The following DCAF6 variants were observed in gnomAD, a reference collection of about 807,000 sequenced individuals.
The protein encoded by DCAF6 is DDB1- and CUL4-associated factor 6.
DCAF6 carries 54 observed loss-of-function variants against 125.1 expected under a neutral mutation model. The ratio of observed to expected loss-of-function variants is 0.43; its 90% CI spans 0.35 to 0.54. The LOEUF is 0.54. Ranked by LOEUF, DCAF6 falls within the 20% of genes least tolerant of loss-of-function variation. The probability of loss-of-function intolerance (pLI) is 0.01; values close to 1 mark genes in which losing one functional copy is unlikely to be tolerated. For synonymous variants in DCAF6, 371 were observed against 390.4 expected (o/e 0.95, Z 0.58); for missense variants, 934 against 1,161.7 (o/e 0.80, Z 2.85).
At chr1:167,910,263 G>T in the DCAF6 span, among the ~76,000 whole-genome samples, 2 of 152,118 alleles carry the variant, frequency 1.3e-5, no homozygotes, top group African/African-American at 4.8e-5. Flanking sequence ...TAGCTATTTG[G>T]ATGCAATGCA....
intron 17 of DCAF6, among the ~76,000 whole-genome samples, chr1:168,052,454 C>T (rs939266936): frequency 6.6e-6 from 1 of 152,114 alleles, no homozygotes; most frequent in African/African-American, 2.4e-5. Flanking sequence ...GAGACTCATT[C>T]TTCTCTACTT....
At chr1:167,879,079 G>C in the DCAF6 span, among the ~76,000 whole-genome samples, 1 of 152,176 alleles carries the variant, frequency 6.6e-6, no homozygotes, top group East Asian at 1.9e-4. Flanking sequence ...GCGATTTCTC[G>C]ATTTAGTAAA....
At chr1:168,036,655 A>G (rs957988724) in intron 12 of DCAF6, among the ~76,000 whole-genome samples, 1 of 152,212 alleles carries the variant, frequency 6.6e-6, no homozygotes, top group African/African-American at 2.4e-5. Context: ...AGTTTTTGAA[A>G]GAGGGTCAAG....
intron 17 of DCAF6, chr1:168,056,436 CGG>C (rs1165885005): frequency 7.8e-7 from 1 of 1,275,312 alleles, no homozygotes; most frequent in Non-Finnish European, 9.9e-7. Flanking sequence ...CGCAGGGGTG[CGG>C]GGGTCGCAGC....
upstream of DCAF6, among the ~76,000 whole-genome samples, chr1:167,933,563 A>C (rs1359928176): frequency 6.6e-6 from 1 of 152,244 alleles, no homozygotes; most frequent in Non-Finnish European, 1.5e-5. Context: ...TCCAACTGTT[A>C]ATATTGTAGC....
the DCAF6 span, chr1:167,883,741 T>A: frequency 1.1e-6 from 1 of 950,904 alleles, no homozygotes; most frequent in Non-Finnish European, 1.7e-6. Flanking sequence ...TCAGAATGGG[T>A]GAGGTACAAC....
At chr1:167,926,082 G>C in the DCAF6 span, among the ~76,000 whole-genome samples, 19,679 of 152,116 alleles carry the variant, frequency 0.13, 1,628 homozygotes, top group African/African-American at 0.23. Context: ...CAAACCCTGT[G>C]GTTCCTTGTG....
Position 168,065,465 on chromosome 1 carries a change from T to G in DCAF6, c.2440-125T>G, listed in dbSNP as rs866978002. 55 of 806,214 alleles carry G rather than the reference T, an allele frequency of 6.8e-5. No individual in the cohort carries two copies. In the Middle Eastern group the frequency reaches 1.4e-3, roughly 21 times the overall value. 49.9% of individuals were successfully genotyped at this position (806,214 alleles called of 1,614,324 possible). A position where few individuals can be genotyped will look rare whatever the true frequency, so the allele number is the denominator to read the frequency against. On this transcript the variant is annotated intron_variant, in intron 18 of 21. Transcript: ENST00000367840. ...GCCCAGCATCAATTTTTAATTTTAC[T>G]ATTTTCTAAGCCAGTTTTTTAAAAA...
chr1:167,869,801 C>T, the DCAF6 span, among the ~76,000 whole-genome samples: 4 of 151,918 alleles, frequency 2.6e-5, no homozygotes, highest in African/African-American at 7.3e-5. Flanking sequence ...TTGACGAGCT[C>T]GGATTTTGAG....
chr1:167,969,788 CT>C, intron 3 of DCAF6, among the ~76,000 whole-genome samples: 1 of 152,070 alleles, frequency 6.6e-6, no homozygotes, highest in South Asian at 2.1e-4. Context: ...TTTTATTATT[CT>C]TTTTTGAGAT....
rs888989081 is a variant in DCAF6, at chr1:167,967,178, G to A, written c.252+457G>A. Among the ~76,000 whole-genome samples, 3 of 152,088 alleles carry A rather than the reference G, an allele frequency of 2.0e-5. No homozygotes were observed. In the East Asian group the frequency reaches 5.8e-4, roughly 29 times the overall value. On this transcript the variant is annotated intron_variant, in intron 3 of 21. Transcript: ENST00000367840. ...CGTTTTCTTAAAAATTTGAAATTTA[G>A]TCTTTTAGAAAATTTACATTTAAAA...
At chr1:168,053,980 C>G (rs1183901257) in intron 17 of DCAF6, among the ~76,000 whole-genome samples, 1 of 152,068 alleles carries the variant, frequency 6.6e-6, no homozygotes, top group Admixed American at 6.6e-5. Context: ...CATTGTAAGG[C>G]AAAGAATCCA....
In DCAF6 at chr1:168,034,457, G is replaced by A. The variant is rs534117828; in HGVS notation, c.1610-3914G>A. Among the ~76,000 whole-genome samples, 15 of 152,308 alleles carry A rather than the reference G, an allele frequency of 9.8e-5. 1 individual carries two copies. In the South Asian group the frequency reaches 3.1e-3, roughly 32 times the overall value. ...GCCCAGAAGTTTGAGACCACAGTGA[G>A]CTATGAAGGTGCCACCACGCTACCG... is the stretch of plus-strand genomic sequence containing the variant. On this transcript the variant is annotated intron_variant, in intron 12 of 21. Transcript: ENST00000367840.
chr1:168,044,823 G>T, intron 15 of DCAF6, 77 bp from the exon 16 acceptor site: 1 of 1,513,934 alleles, frequency 6.6e-7, no homozygotes, highest in South Asian at 1.3e-5. Flanking sequence ...GAATGTGTTT[G>T]TGAGCTCCTA....
chr1:167,909,969 C>T, the DCAF6 span, among the ~76,000 whole-genome samples: 2 of 151,972 alleles, frequency 1.3e-5, no homozygotes, highest in Non-Finnish European at 2.9e-5. Context: ...GATTAACCCC[C>T]ATTCTAACCA....
chr1:167,992,323 T>A (rs1183404256), intron 6 of DCAF6, among the ~76,000 whole-genome samples: 4 of 151,818 alleles, frequency 2.6e-5, no homozygotes, highest in Non-Finnish European at 5.9e-5. Flanking sequence ...TATTTTATAT[T>A]GTTAAAAATA....
chr1:168,034,109 A>T (rs552411445), intron 12 of DCAF6, among the ~76,000 whole-genome samples: 17 of 152,384 alleles, frequency 1.1e-4, no homozygotes, highest in African/African-American at 4.1e-4. Flanking sequence ...AGGAGTAACA[A>T]CATCAACAAT....
At chr1:167,913,576 T>C in the DCAF6 span, among the ~76,000 whole-genome samples, 1 of 152,246 alleles carries the variant, frequency 6.6e-6, no homozygotes, top group South Asian at 2.1e-4. Context: ...TGCTTCTATT[T>C]TGTCTTCATC....
At chr1:167,941,215 G>T (rs1010372018) in intron 1 of DCAF6, among the ~76,000 whole-genome samples, 2 of 152,100 alleles carry the variant, frequency 1.3e-5, no homozygotes, top group African/African-American at 2.4e-5. Context: ...TATGATTTTA[G>T]TATTGAAAAA....
Sources: gnomAD v4.1 joint callset for allele counts (sites outside exome capture counted in the v4.1 genomes callset) on GRCh38, gnomAD v4.1.1 for gene constraint, MANE v1.5 for transcripts, NCBI Gene and HGNC (gene_info 2026-07-23, HGNC 2026-07-21) for gene names.